Variants in FBXW7 observed in about 807,000 individuals in gnomAD.
FBXW7 encodes the protein F-box and WD repeat domain containing 7, also known as F-box/WD repeat-containing protein 7.
In FBXW7, 11 loss-of-function variants were observed where a neutral mutation model predicts 86.3. The observed-to-expected ratio is 0.13, with a 90% CI of 0.08 to 0.21. The LOEUF (loss-of-function observed/expected upper bound fraction) is 0.21, where lower values mean the gene tolerates loss of function less well. Among genes scored for constraint, FBXW7 ranks in the 10% least tolerant of loss-of-function variants. The probability of loss-of-function intolerance (pLI) is 1.00; values close to 1 mark genes in which losing one functional copy is unlikely to be tolerated. For missense variants in FBXW7, 488 were observed against 847.4 expected (o/e 0.58, Z 5.27); for synonymous variants, 313 against 297.9 (o/e 1.05, Z -0.52).
intron 4 of FBXW7, among the ~76,000 whole-genome samples, chr4:152,407,847 G>A (rs1457077105): frequency 6.6e-6 from 1 of 152,122 alleles, no homozygotes; most frequent in Non-Finnish European, 1.5e-5. Context: ...TGGAACCACA[G>A]GCGCATGCCA....
At chr4:152,381,168 C>T (rs1452491901) in intron 4 of FBXW7, among the ~76,000 whole-genome samples, 5 of 151,996 alleles carry the variant, frequency 3.3e-5, no homozygotes, top group Admixed American at 2.6e-4. Flanking sequence ...ACTAAGCTAA[C>T]TAGAAAATAT....
At chr4:152,339,292 T>C (rs1730473695) in intron 6 of FBXW7, among the ~76,000 whole-genome samples, 1 of 152,186 alleles carries the variant, frequency 6.6e-6, no homozygotes, top group Non-Finnish European at 1.5e-5. Flanking sequence ...AGGGGATTTA[T>C]TATACAAAGA....
chr4:152,443,564 T>C (rs1741097726), intron 2 of FBXW7, among the ~76,000 whole-genome samples: 1 of 152,088 alleles, frequency 6.6e-6, no homozygotes, highest in Non-Finnish European at 1.5e-5. Context: ...AACTGACTCC[T>C]GCATATAGTT....
chr4:152,422,540 T>C (rs1480289329), intron 2 of FBXW7, among the ~76,000 whole-genome samples: 4 of 152,218 alleles, frequency 2.6e-5, no homozygotes, highest in African/African-American at 9.6e-5. Flanking sequence ...CACTAGACTA[T>C]TACTGATGAA....
At chr4:152,472,831 C>T (rs1286098333) in intron 2 of FBXW7, among the ~76,000 whole-genome samples, 1 of 151,996 alleles carries the variant, frequency 6.6e-6, no homozygotes, top group African/African-American at 2.4e-5. Flanking sequence ...AACTTTAAGC[C>T]ATCACACTAA....
chr4:152,354,475 C>CA (rs1431236446), intron 4 of FBXW7, among the ~76,000 whole-genome samples: 2 of 152,098 alleles, frequency 1.3e-5, no homozygotes, highest in African/African-American at 2.4e-5. Context: ...CCTGAAATTT[C>CA]ATCCAGAATT....
intron 2 of FBXW7, among the ~76,000 whole-genome samples, chr4:152,413,914 T>A (rs1738208291): frequency 6.6e-6 from 1 of 152,052 alleles, no homozygotes; most frequent in South Asian, 2.1e-4. Context: ...GTATCTAAAG[T>A]CCCTATAAAT....
chr4:152,324,750 G>A (rs1251757750), intron 12 of FBXW7: 1 of 208,626 alleles, frequency 4.8e-6, no homozygotes, highest in African/African-American at 2.4e-5. Flanking sequence ...ATTGCTATGA[G>A]TTTTACTTCC....
intron 4 of FBXW7, among the ~76,000 whole-genome samples, chr4:152,392,365 G>C (rs1213725846): frequency 6.6e-6 from 1 of 152,118 alleles, no homozygotes; most frequent in African/African-American, 2.4e-5. Context: ...TCACTTGGTA[G>C]TCCTGATGTG....
Position 152,431,310 on chromosome 4 carries a change from AAGGTAGAATGAG to A in FBXW7, c.-119-18793_-119-18782del, listed in dbSNP as rs144534706. ...TGAATCAGGGCAGCCCCCATTCTGC[AAGGTAGAATGAG>A]AGGTCCTACTGAGCAACAGCACAAC... On this transcript the variant is annotated intron_variant, in intron 2 of 13. Coordinates refer to ENST00000281708, the MANE Select transcript of FBXW7 (RefSeq NM_001349798.2). Among the ~76,000 whole-genome samples the A allele has an allele frequency of 7.9e-4, 121 of 152,326 alleles. No individual in the cohort carries two copies. The East Asian group carries it at 0.014, about 17-fold the overall frequency.
intron 2 of FBXW7, among the ~76,000 whole-genome samples, chr4:152,503,976 A>C (rs562879168): frequency 6.6e-6 from 1 of 152,342 alleles, no homozygotes; most frequent in South Asian, 2.1e-4. Flanking sequence ...CATTTAAAAC[A>C]TCTGTGTTCT....
intron 2 of FBXW7, among the ~76,000 whole-genome samples, chr4:152,425,109 T>C (rs1739266648): frequency 6.6e-6 from 1 of 152,228 alleles, no homozygotes; most frequent in South Asian, 2.1e-4. Context: ...GTCTACCTGA[T>C]TTGTTTTCAC....
intron 2 of FBXW7, among the ~76,000 whole-genome samples, chr4:152,426,947 G>A (rs1319490983): frequency 2.0e-5 from 3 of 152,156 alleles, no homozygotes; most frequent in East Asian, 1.9e-4. Flanking sequence ...ACAATACAAC[G>A]GGGAGCTCTG....
intron 2 of FBXW7, among the ~76,000 whole-genome samples, chr4:152,445,910 TAAAAAAAAAAAAAAAAAAAA>T (rs11457603): frequency 3.0e-5 from 3 of 100,642 alleles, no homozygotes. Flanking sequence ...ACTCTGTCTT[TAAAAAAAAAAAAAAAAAAAA>T]AAAAAAAAAA....
Position 152,389,508 on chromosome 4 carries a change from A to G in FBXW7, c.501+21795T>C, listed in dbSNP as rs986165979. Among the ~76,000 whole-genome samples, 22 of 152,114 alleles carry G rather than the reference A, an allele frequency of 1.4e-4. 1 individual carries two copies. Among genetic ancestry groups the G allele is most frequent in the Non-Finnish European group, 4.4e-5 (3 of 67,980 alleles). On this transcript the variant is annotated intron_variant, in intron 4 of 13. Transcript: ENST00000281708. Reference sequence around the variant, plus strand: ...GATTCTTCAGTGAAACAACACAGAAACAGAAAGTCAAATACCACGTTTCAC... The same window carrying G: ...GATTCTTCAGTGAAACAACACAGAAGCAGAAAGTCAAATACCACGTTTCAC...
At chr4:152,493,293 T>C (rs1034448971) in intron 2 of FBXW7, among the ~76,000 whole-genome samples, 1 of 151,806 alleles carries the variant, frequency 6.6e-6, no homozygotes. Flanking sequence ...GCCTCCCGAG[T>C]AGCTGCGATT....
chr4:152,439,004 A>G (rs946130345), intron 2 of FBXW7, among the ~76,000 whole-genome samples: 1 of 152,198 alleles, frequency 6.6e-6, no homozygotes, highest in African/African-American at 2.4e-5. Flanking sequence ...CTTTAGTCCA[A>G]AATTTTCCCC....
At chr4:152,398,499 G>A (rs1736625556) in intron 4 of FBXW7, among the ~76,000 whole-genome samples, 1 of 151,668 alleles carries the variant, frequency 6.6e-6, no homozygotes, top group African/African-American at 2.4e-5. Flanking sequence ...ATTCTGAAAT[G>A]TTCTTAAAAT....
chr4:152,512,105 A>C (rs1483873036), intron 2 of FBXW7, among the ~76,000 whole-genome samples: 1 of 152,158 alleles, frequency 6.6e-6, no homozygotes, highest in African/African-American at 2.4e-5. Flanking sequence ...GGCAGAAAAA[A>C]ATTTTGTTTT....
Sources: allele counts gnomAD v4.1 joint callset (sites outside exome capture counted in the v4.1 genomes callset), GRCh38; gene constraint gnomAD v4.1.1; transcripts MANE v1.5; gene names NCBI Gene and HGNC (gene_info 2026-07-23, HGNC 2026-07-21).